EDA2R: variants seen among roughly 807,000 people sequenced by gnomAD.
EDA2R encodes tumor necrosis factor receptor superfamily member 27.
EDA2R carries 26 observed loss-of-function variants against 20.1 expected under a neutral mutation model. The observed-to-expected ratio is 1.30, with a 90% CI of 0.95 to 1.80. The LOEUF (loss-of-function observed/expected upper bound fraction) is 1.80. EDA2R is among the 40% of genes most tolerant of loss of function. The probability of loss-of-function intolerance (pLI) is 0.00; values close to 1 mark genes in which losing one functional copy is unlikely to be tolerated. For synonymous variants in EDA2R, 114 were observed against 88.7 expected, an observed-to-expected ratio of 1.29 and a Z score of -1.60; for missense variants, 277 against 228.7, an observed-to-expected ratio of 1.21 and a Z score of -1.36.
intron 1 of EDA2R, among the ~76,000 whole-genome samples, chrX:66,633,431 C>T (rs1431873163): frequency 9.0e-6 from 1 of 111,655 alleles, no homozygotes; most frequent in Non-Finnish European, 1.9e-5. Flanking sequence ...CTACTGACTG[C>T]TAAAATACTC....
intron 5 of EDA2R, among the ~76,000 whole-genome samples, chrX:66,600,322 CAG>C (rs1053743509): frequency 4.5e-5 from 5 of 111,513 alleles, no homozygotes; most frequent in Non-Finnish European, 7.5e-5. Flanking sequence ...GCAGAGGAGA[CAG>C]AGAGTATCAG....
intron 1 of EDA2R, among the ~76,000 whole-genome samples, chrX:66,633,008 T>G (rs1156250219): frequency 8.9e-6 from 1 of 111,785 alleles, no homozygotes; most frequent in Admixed American, 9.5e-5. Context: ...TCTTTTATTC[T>G]AGCGCACAGA....
chrX:66,631,678 A>G (rs1237068916), intron 1 of EDA2R, among the ~76,000 whole-genome samples: 2 of 111,558 alleles, frequency 1.8e-5, no homozygotes, highest in African/African-American at 6.5e-5. Flanking sequence ...AAAGGTGGTT[A>G]CAATAGGAAC....
At chrX:66,615,437 G>A (rs1931505033) in intron 2 of EDA2R, among the ~76,000 whole-genome samples, 1 of 111,695 alleles carries the variant, frequency 9.0e-6, no homozygotes, top group Non-Finnish European at 1.9e-5. Flanking sequence ...GTTACATAAA[G>A]TCTCTGCCTT....
chrX:66,624,251 GC>G (rs1209699123), intron 1 of EDA2R, among the ~76,000 whole-genome samples: 1 of 111,968 alleles, frequency 8.9e-6, no homozygotes, highest in Non-Finnish European at 1.9e-5. Flanking sequence ...AGGTGCAGTG[GC>G]TCCCGCCTGG....
rs1214370901 is a variant in EDA2R at position 66,596,082 on chromosome X, A to C, written c.*2022T>G. ...TACCTCCCCTTCCTTACAAACAAAAACTACATTTTTTTTTTTTGCTAGTTC... is the reference window on the plus strand; with the variant it reads ...TACCTCCCCTTCCTTACAAACAAAACCTACATTTTTTTTTTTTGCTAGTTC... On this transcript the variant is annotated 3_prime_UTR_variant, in exon 7 of 7. Coordinates refer to ENST00000374719, the MANE Select transcript of EDA2R (RefSeq NM_021783.5). 4 of 109,365 alleles carry C rather than the reference A, an allele frequency of 3.7e-5. No homozygotes were observed. 9.0% of individuals were successfully genotyped at this position (109,365 alleles called of 1,213,427 possible). A position where few individuals can be genotyped will look rare whatever the true frequency, so the allele number is the denominator to read the frequency against.
chrX:66,603,818 T>C (rs1312490960), intron 4 of EDA2R, among the ~76,000 whole-genome samples: 1 of 112,083 alleles, frequency 8.9e-6, no homozygotes, highest in African/African-American at 3.2e-5. Context: ...AATGCTATGA[T>C]TTATTAACTT....
intron 2 of EDA2R, among the ~76,000 whole-genome samples, chrX:66,613,940 A>G (rs1175053856): frequency 9.0e-6 from 1 of 111,489 alleles, no homozygotes; most frequent in Non-Finnish European, 1.9e-5. Context: ...TCCTTACTAT[A>G]AAAACACTGA....
At chrX:66,620,965 CAAAAAA>C (rs376190384) in intron 1 of EDA2R, among the ~76,000 whole-genome samples, 4 of 55,305 alleles carry the variant, frequency 7.2e-5, no homozygotes, top group Non-Finnish European at 1.1e-4. Context: ...TATCCACTAC[CAAAAAA>C]AAAAAAAAAA....
intron 1 of EDA2R, among the ~76,000 whole-genome samples, chrX:66,634,499 GT>G (rs1329124315): frequency 1.9e-5 from 2 of 106,650 alleles, no homozygotes; most frequent in African/African-American, 3.4e-5. Flanking sequence ...TCCATCATTT[GT>G]TTTTTTTTTC....
chrX:66,636,766 C>T (rs1934363751), intron 1 of EDA2R, among the ~76,000 whole-genome samples: 1 of 110,961 alleles, frequency 9.0e-6, no homozygotes, highest in Non-Finnish European at 1.9e-5. Flanking sequence ...TTAATCCTCC[C>T]AATAACACCA....
chrX:66,637,988 T>TA (rs112914584), intron 1 of EDA2R, among the ~76,000 whole-genome samples: 30 of 111,412 alleles, frequency 2.7e-4, no homozygotes, highest in Non-Finnish European at 1.9e-4. Flanking sequence ...AAAAAAAGAA[T>TA]AAAAAAAAAC....
chrX:66,602,102 C>G (rs1320574812), intron 5 of EDA2R, among the ~76,000 whole-genome samples: 2 of 111,417 alleles, frequency 1.8e-5, no homozygotes, highest in African/African-American at 6.5e-5. Context: ...TAGCAGTGGC[C>G]TTAGACCTCA....
Position 66,599,834 on chromosome X carries a change from T to G in EDA2R, c.544A>C (p.Lys182Gln). 8.3e-7 allele frequency: 1 copy of G among 1,207,265 alleles called. No homozygotes were observed. The highest frequency in any genetic ancestry group is 1.1e-6 in the Non-Finnish European group (1 of 893,562). Residue 182 changes from lysine (K) to glutamine (Q), a missense_variant, in exon 6 of 7, where the codon AAA becomes CAA. Physicochemically the swap from Lys to Gln is moderately conservative, Grantham distance 53 (BLOSUM62 1). Coordinates refer to ENST00000374719, the MANE Select transcript of EDA2R (RefSeq NM_021783.5). Reference protein sequence around the residue: ...RGGLLQFEADKTAKEESLFPV... With the variant: ...RGGLLQFEADQTAKEESLFPV... ...AAGAGAGATTCCTCCTTTGCTGTTT[T>G]ATCAGCCTCAAACTGCAGCAAACCT...
At chrX:66,633,183 G>A (rs1321271861) in intron 1 of EDA2R, among the ~76,000 whole-genome samples, 2 of 112,298 alleles carry the variant, frequency 1.8e-5, no homozygotes, top group Non-Finnish European at 3.8e-5. Flanking sequence ...TTCAAAACAT[G>A]CGTACGTGCA....
rs5965278 is a variant in EDA2R, at chrX:66,605,242, G to A, written c.88-16C>T. 0.013 allele frequency: 15,777 copies of A among 1,189,144 alleles called. 1,268 individuals are homozygous for A. In the African/African-American group the frequency reaches 0.24, roughly 18 times the overall value. ...AACCACAATCCTGTAGACAGATGGGGGTTGTTAATATTGCTTTATAGGAGC... is the reference window on the plus strand; with the variant it reads ...AACCACAATCCTGTAGACAGATGGGAGTTGTTAATATTGCTTTATAGGAGC... On this transcript the variant is annotated splice_polypyrimidine_tract_variant and intron_variant, in intron 2 of 6. Coordinates refer to ENST00000374719, the MANE Select transcript of EDA2R (RefSeq NM_021783.5).
At position 66,599,633 on chromosome X, in the gene EDA2R, G is replaced by A. The variant is rs762100342; in HGVS notation, c.745C>T (p.His249Tyr). The stretch of plus-strand genomic sequence containing the variant: ...AGCTCTGTGCATTCGATGGGGCTGT[G>A]GACCCAGTGGGAGTGGCTCTCTGAG... ...CTSESHSHWVHSPIECTELDL... is the reference protein window; with the variant it reads ...CTSESHSHWVYSPIECTELDL... Residue 249 changes from histidine (H) to tyrosine (Y), a missense_variant, in exon 6 of 7, where the codon CAC becomes TAC. By Grantham distance (83) the His-to-Tyr change is moderately conservative. Coordinates refer to ENST00000374719, the MANE Select transcript of EDA2R (RefSeq NM_021783.5). The A allele has an allele frequency of 4.1e-6, 5 of 1,206,070 alleles. No homozygotes were observed. Among genetic ancestry groups the A allele is most frequent in the African/African-American group, 1.7e-5 (1 of 57,537 alleles).
At chrX:66,607,755 C>G (rs1929961657) in intron 2 of EDA2R, among the ~76,000 whole-genome samples, 1 of 111,693 alleles carries the variant, frequency 9.0e-6, no homozygotes, top group South Asian at 3.8e-4. Flanking sequence ...ATCTGACTAC[C>G]AGAGTTACTT....
At chrX:66,630,009 C>T (rs191089347) in intron 1 of EDA2R, among the ~76,000 whole-genome samples, 88 of 111,312 alleles carry the variant, frequency 7.9e-4, no homozygotes, top group African/African-American at 2.7e-3. Flanking sequence ...ACCAATGGAA[C>T]GAAATCAAAA....
Sources: gnomAD v4.1 joint callset for allele counts (sites outside exome capture counted in the v4.1 genomes callset) on GRCh38, gnomAD v4.1.1 for gene constraint, MANE v1.5 for transcripts, NCBI Gene and HGNC (gene_info 2026-07-23, HGNC 2026-07-21) for gene names.